CASKIN1: variants seen among roughly 807,000 people sequenced by gnomAD.
The protein encoded by CASKIN1 is CASK interacting protein 1, also known as caskin-1.
Under a neutral mutation model 117.5 loss-of-function variants are expected in CASKIN1, and 42 were observed. That is an observed-to-expected ratio of 0.36 (90% CI 0.28 to 0.46). CASKIN1 has a LOEUF of 0.46. CASKIN1 is among the 20% of genes least tolerant of loss of function. The pLI is 1.00. For missense variants in CASKIN1, 2,083 were observed against 2,077.3 expected (o/e 1.00, Z -0.05); for synonymous variants, 1,148 against 961.7 (o/e 1.19, Z -3.59).
At chr16:2,191,950 C>T (rs2093202620) in intron 1 of CASKIN1, among the ~76,000 whole-genome samples, 1 of 152,242 alleles carries the variant, frequency 6.6e-6, no homozygotes, top group Non-Finnish European at 1.5e-5. Flanking sequence ...GGTCTTCCCA[C>T]ATCCCTCGGT....
chr16:2,187,661 G>A (rs1052649619), intron 6 of CASKIN1, among the ~76,000 whole-genome samples, 200 bp from the exon 7 acceptor site: 9 of 152,036 alleles, frequency 5.9e-5, no homozygotes, highest in Admixed American at 1.3e-4. Flanking sequence ...CACCCTTGTC[G>A]CCCAGGCTGG....
intron 10 of CASKIN1, among the ~76,000 whole-genome samples, chr16:2,185,930 TG>T: frequency 1.3e-5 from 2 of 152,376 alleles, no homozygotes; most frequent in Admixed American, 1.3e-4. Context: ...TCAGCGCCTT[TG>T]GTTTTTTCCT....
chr16:2,181,623 T>G, intron 17 of CASKIN1, 24 bp from the exon 18 acceptor site: 7 of 1,483,266 alleles, frequency 4.7e-6, no homozygotes, highest in Non-Finnish European at 6.3e-6. Flanking sequence ...AGGGGGCAGG[T>G]CAGGTGGACC....
chr16:2,189,957 T>C (rs2093196484), intron 3 of CASKIN1, 116 bp downstream of exon 3: 1 of 928,004 alleles, frequency 1.1e-6, no homozygotes, highest in Admixed American at 2.3e-5. Context: ...AGGACCTGCC[T>C]GAAATCAGAC....
chr16:2,179,331 G>A lies in CASKIN1; in HGVS notation c.3776-6C>T, dbSNP rs2093157866. 1.6e-6 allele frequency: 2 copies of A among 1,287,458 alleles called. No homozygotes were observed. Among genetic ancestry groups the A allele is most frequent in the Non-Finnish European group, 2.0e-6 (2 of 1,021,854 alleles). 79.8% of individuals were successfully genotyped at this position (1,287,458 alleles called of 1,614,324 possible). The stretch of plus-strand genomic sequence containing the variant: ...GCCGTGGGCGCGCTTCACCTCTGCG[G>A]GGAGGACCACGCTGGCACCGAGCGG... On this transcript the variant is annotated splice_polypyrimidine_tract_variant and splice_region_variant and intron_variant, in intron 18 of 19. Transcript: ENST00000343516. The surrounding 1 kb of genome is among the most constrained non-coding windows in gnomAD (Gnocchi z 5.8).
Position 2,190,444 on chromosome 16 carries a change from C to T in CASKIN1, c.95-86G>A, listed in dbSNP as rs182038390. ...GGCAGGGAGAGGGGGCCAGCCATCT[C>T]CCCGGCAGGCACAAAGCTGCTGGGC... On this transcript the variant is annotated intron_variant, in intron 1 of 19. Transcript: ENST00000343516. The T allele has an allele frequency of 5.8e-3, 7,033 of 1,220,952 alleles. 61 individuals carry two copies. Among genetic ancestry groups the T allele is most frequent in the Non-Finnish European group, 5.1e-3 (4,312 of 853,476 alleles). 75.6% of individuals were successfully genotyped at this position (1,220,952 alleles called of 1,614,324 possible).
In CASKIN1 at chr16:2,181,899, C is replaced by T; in HGVS notation, c.1660G>A (p.Gly554Ser). 2 of 1,613,666 alleles carry T rather than the reference C, an allele frequency of 1.2e-6. No individual in the cohort carries two copies. Among genetic ancestry groups the T allele is most frequent in the Non-Finnish European group, 1.7e-6 (2 of 1,179,970 alleles). The change falls in exon 17 of 20, where the codon GGC becomes AGC. Residue 554 changes from glycine to serine, a missense_variant. Gly to Ser is a moderately conservative substitution (Grantham distance 56, BLOSUM62 0). This residue lies in a region of CASKIN1 where 1,818 missense variants were observed against 1,688.9 expected (regional missense o/e 1.08). Coordinates refer to ENST00000343516, the MANE Select transcript of CASKIN1 (RefSeq NM_020764.4). ...ANLAVWLSMI[G>S]LAQYYKVLVD... ...AACACCTTGTAGTACTGGGCCAGGC[C>T]GATCATGGACAGCCACACGGCCAGG...
In CASKIN1 at chr16:2,178,937, C is replaced by T. The variant is rs780732183; in HGVS notation, c.4164G>A (p.Glu1388=). The change falls in exon 19 of 20, where the codon GAG becomes GAA. Residue 1388 remains glutamate (E), a synonymous_variant. Coordinates refer to ENST00000343516, the MANE Select transcript of CASKIN1 (RefSeq NM_020764.4). ...GCGCGTCCTCCTGCCGGATCTTCTC[C>T]TCCACCGCCTGCAGCGCCGCGGCCA... is the stretch of plus-strand genomic sequence containing the variant. The part of the protein sequence containing the change: ...ACLAAALQAV[E]EKIRQEDAQG... 4 of 1,494,986 alleles carry T rather than the reference C, an allele frequency of 2.7e-6. No homozygotes were observed. The African/African-American group carries it at 4.4e-5, about 16-fold the overall frequency. 92.6% of individuals were successfully genotyped at this position (1,494,986 alleles called of 1,614,324 possible).
chr16:2,180,614 G>T lies in CASKIN1; in HGVS notation c.2754C>A (p.His918Gln). 2 of 1,567,210 alleles carry T rather than the reference G, an allele frequency of 1.3e-6. No individual in the cohort carries two copies. The highest frequency in any genetic ancestry group is 1.7e-6 in the Non-Finnish European group (2 of 1,164,256). The change falls in exon 18 of 20, where the codon CAC (histidine) becomes CAA (glutamine). Residue 918 changes from histidine (H) to glutamine (Q), a missense_variant. His to Gln is a conservative substitution (Grantham distance 24, BLOSUM62 0). Coordinates refer to ENST00000343516, the MANE Select transcript of CASKIN1 (RefSeq NM_020764.4). Reference sequence around the variant, plus strand: ...CGGCACCTGCGGGCGCCCTCACTGAGTGGCTGCGGCCCACGCGCCGCTGGA... The same window carrying T: ...CGGCACCTGCGGGCGCCCTCACTGATTGGCTGCGGCCCACGCGCCGCTGGA... Reference protein sequence around the residue: ...ATVQRRVGRSHSVRAPAGADK... With the variant: ...ATVQRRVGRSQSVRAPAGADK...
rs746211868 is a variant in CASKIN1, at chr16:2,189,081, TTGGGGTCGG to T, written c.554_562del (p.Thr185_Pro187del). 2 of 1,613,530 alleles carry T rather than the reference TTGGGGTCGG, an allele frequency of 1.2e-6. No individual in the cohort carries two copies. The highest frequency in any genetic ancestry group is 4.5e-5 in the East Asian group (2 of 44,858). ...TGCGAGGTGCAAAGGGCTGGTGCCG[TTGGGGTCGG>T]TGGCGTCTCCCGGCCGGGGCTCCAG... is the stretch of plus-strand genomic sequence containing the variant. On this transcript the variant is annotated inframe_deletion, in exon 6 of 20. Transcript: ENST00000343516.
rs773235189 is a variant in CASKIN1, at chr16:2,181,929, C to T, written c.1630G>A (p.Ala544Thr). 1.2e-6 allele frequency: 2 copies of T among 1,613,518 alleles called. No homozygotes were observed. Among genetic ancestry groups the T allele is most frequent in the South Asian group, 2.2e-5 (2 of 91,088 alleles). Residue 544 changes from alanine to threonine, a missense_variant and splice_region_variant, in exon 17 of 20, where the codon GCT becomes ACT. Physicochemically the swap from Ala to Thr is moderately conservative, Grantham distance 58 (BLOSUM62 0). Transcript: ENST00000343516. Reference sequence around the variant, plus strand: ...ATGGACAGCCACACGGCCAGGTTAGCCTACAGAGCAGACACACAGAGGAGC... The same window carrying T: ...ATGGACAGCCACACGGCCAGGTTAGTCTACAGAGCAGACACACAGAGGAGC... ...IPDWLPEHKP[A>T]NLAVWLSMIG...
intron 1 of CASKIN1, among the ~76,000 whole-genome samples, chr16:2,191,304 T>C (rs1461301756): frequency 2.0e-5 from 3 of 152,132 alleles, no homozygotes; most frequent in Non-Finnish European, 4.4e-5. Flanking sequence ...GCTTGCACAG[T>C]GACCCACAGC....
chr16:2,184,748 C>T, intron 14 of CASKIN1, 29 bp downstream of exon 14: 1 of 1,469,588 alleles, frequency 6.8e-7, no homozygotes. Flanking sequence ...CCCCGGAGCC[C>T]ACGCTGAGAA....
rs1198187778 is a variant in CASKIN1 at position 2,182,790 on chromosome 16, CTGT to C, written c.1629+853_1629+855del. On this transcript the variant is annotated intron_variant, in intron 16 of 19. Coordinates refer to ENST00000343516, the MANE Select transcript of CASKIN1 (RefSeq NM_020764.4). The surrounding 1 kb of genome is among the most constrained non-coding windows in gnomAD (Gnocchi z 4.1). Reference sequence around the variant, plus strand: ...CCCATCCCACTGCACAGGCACCTCCCTGTTGTTTTGCTTTGTTTGAGACGGAGC... The same window carrying C: ...CCCATCCCACTGCACAGGCACCTCCCTGTTTTGCTTTGTTTGAGACGGAGC... Among the ~76,000 whole-genome samples, 6 of 146,200 alleles carry C rather than the reference CTGT, an allele frequency of 4.1e-5. No individual in the cohort carries two copies. The highest frequency in any genetic ancestry group is 1.7e-4 in the African/African-American group (6 of 35,886).
chr16:2,184,650 G>A (rs1173131759), intron 14 of CASKIN1, 127 bp downstream of exon 14: 4 of 678,258 alleles, frequency 5.9e-6, no homozygotes, highest in African/African-American at 1.8e-5. Flanking sequence ...AGAGGAGAGG[G>A]TCTGGCCTGG....
Position 2,187,446 on chromosome 16 carries a change from G to T in CASKIN1, c.633C>A (p.Ala211=). 1 of 1,606,160 alleles carries T rather than the reference G, an allele frequency of 6.2e-7. No homozygotes were observed. Among genetic ancestry groups the T allele is most frequent in the Non-Finnish European group, 8.5e-7 (1 of 1,179,760 alleles). The stretch of plus-strand genomic sequence containing the variant: ...TGGTCTGGCGGTTAATGTCGATGCC[G>T]GCTTGGAGGAGGAGCCTGGCGGGAA... ...HIDIIRLLLQ[A]GIDINRQTKS... is the part of the protein sequence containing the mutation. The change falls in exon 7 of 20, where the codon GCC becomes GCA. Residue 211 remains alanine (A), a synonymous_variant. Transcript: ENST00000343516.
Position 2,180,454 on chromosome 16 carries a change from G to C in CASKIN1, c.2914C>G (p.Pro972Ala), listed in dbSNP as rs778233282. The change falls in exon 18 of 20, where the codon CCT (proline) becomes GCT (alanine). Residue 972 changes from proline to alanine, a missense_variant. Pro to Ala is a conservative substitution (Grantham distance 27). Coordinates refer to ENST00000343516, the MANE Select transcript of CASKIN1 (RefSeq NM_020764.4). Reference sequence around the variant, plus strand: ...CGGACCCCCAGCAGGCCATCCTCAGGCTCGGCGTCAGGCACCGGCTCATCC... The same window carrying C: ...CGGACCCCCAGCAGGCCATCCTCAGCCTCGGCGTCAGGCACCGGCTCATCC... The part of the protein sequence containing the change: ...LADEPVPDAE[P>A]EDGLLGVRAQ... The C allele has an allele frequency of 1.5e-5, 23 of 1,557,866 alleles. No individual in the cohort carries two copies. Among genetic ancestry groups the C allele is most frequent in the Non-Finnish European group, 1.9e-5 (22 of 1,158,876 alleles).
At chr16:2,183,216 C>T (rs1363279450) in intron 16 of CASKIN1, among the ~76,000 whole-genome samples, 1 of 152,226 alleles carries the variant, frequency 6.6e-6, no homozygotes, top group African/African-American at 2.4e-5. Context: ...TGGATGCCTG[C>T]AGGGTGTTCC....
Position 2,180,383 on chromosome 16 carries a change from C to G in CASKIN1, c.2985G>C (p.Thr995=). 3 of 1,588,638 alleles carry G rather than the reference C, an allele frequency of 1.9e-6. No individual in the cohort carries two copies. The highest frequency in any genetic ancestry group is 2.6e-6 in the Non-Finnish European group (3 of 1,174,388). Residue 995 remains threonine, a synonymous_variant, in exon 18 of 20, where the codon ACG becomes ACC. Transcript: ENST00000343516. The part of the protein sequence containing the change: ...RASDLAGSVD[T]GSAGSVKSIA... ...TGCTCTTCACACTGCCGGCACTACCCGTGTCCACGCTGCCGGCCAGGTCAC... is the reference window on the plus strand; with the variant it reads ...TGCTCTTCACACTGCCGGCACTACCGGTGTCCACGCTGCCGGCCAGGTCAC...
Sources: allele counts gnomAD v4.1 joint callset (sites outside exome capture counted in the v4.1 genomes callset), GRCh38; gene constraint gnomAD v4.1.1; regional missense constraint gnomAD v4.1.1; non-coding constraint Gnocchi (gnomAD v3.1); transcripts MANE v1.5; gene names NCBI Gene and HGNC (gene_info 2026-07-23, HGNC 2026-07-21).